The following LPIN2 variants were observed in gnomAD, a reference collection of about 807,000 sequenced individuals.
LPIN2 encodes the protein phosphatidate phosphatase LPIN2.
In LPIN2, 55 loss-of-function variants were observed where a neutral mutation model predicts 111.4. That is an observed-to-expected ratio of 0.49 (90% CI 0.40 to 0.62). The LOEUF (loss-of-function observed/expected upper bound fraction) is 0.62, where lower values mean the gene tolerates loss of function less well. LPIN2 is among the 20% of genes least tolerant of loss of function. The probability of loss-of-function intolerance (pLI) is 0.00; values close to 1 mark genes in which losing one functional copy is unlikely to be tolerated. For synonymous variants in LPIN2, 425 were observed against 414.0 expected, an observed-to-expected ratio of 1.03 and a Z score of -0.32; for missense variants, 992 against 1,112.1, an observed-to-expected ratio of 0.89 and a Z score of 1.54.
intron 4 of LPIN2, among the ~76,000 whole-genome samples, chr18:2,949,699 T>TA (rs2077505184): frequency 6.6e-6 from 1 of 152,354 alleles, no homozygotes; most frequent in South Asian, 2.1e-4. Flanking sequence ...TTCTAAGATT[T>TA]AAAATCTAGA....
rs376730432 is a variant in LPIN2 at position 2,940,744 on chromosome 18, C to G, written c.591-32G>C. The G allele has an allele frequency of 7.0e-6, 9 of 1,282,774 alleles. No homozygotes were observed. The African/African-American group carries it at 1.2e-4, about 17-fold the overall frequency. 79.5% of individuals were successfully genotyped at this position (1,282,774 alleles called of 1,614,324 possible). On this transcript the variant is annotated intron_variant, in intron 4 of 19. Transcript: ENST00000677752. ...AGGAGAAACCAAAGAAAGGCAGGAA[C>G]GATGACATTCTTGTCAGCTTTAAAA...
At chr18:2,946,148 T>C in intron 4 of LPIN2, 1 of 1,608,050 alleles carries the variant, frequency 6.2e-7, no homozygotes. Context: ...TTTAAGTTTA[T>C]CAAGTGCTTG....
intron 2 of LPIN2, among the ~76,000 whole-genome samples, chr18:2,955,361 A>C (rs1445139648): frequency 6.6e-6 from 1 of 152,136 alleles, no homozygotes; most frequent in Non-Finnish European, 1.5e-5. Flanking sequence ...GACACGTCAC[A>C]TAGTGAGAGC....
intron 1 of LPIN2, among the ~76,000 whole-genome samples, chr18:2,992,007 C>A (rs2078273053): frequency 2.1e-5 from 3 of 142,178 alleles, no homozygotes. Flanking sequence ...GACTCCATCT[C>A]AAAAAAAAAA....
chr18:2,982,679 G>A (rs199626235), intron 1 of LPIN2: 200 of 1,300,380 alleles, frequency 1.5e-4, no homozygotes, highest in Admixed American at 6.4e-4. Flanking sequence ...AAGATACCAG[G>A]AGGGGACTTG....
chr18:2,960,179 T>TGC lies in LPIN2; in HGVS notation c.192+469_192+470insGC, dbSNP rs1180458682. On this transcript the variant is annotated intron_variant, in intron 2 of 19. Coordinates refer to ENST00000677752, the MANE Select transcript of LPIN2 (RefSeq NM_001375808.2). ...AGCGAGACTCCGACTCAAAAATGTGTGTGTGTGTGTGTGTGTGTGTGTGTG... is the reference window on the plus strand; with the variant it reads ...AGCGAGACTCCGACTCAAAAATGTGTGCGTGTGTGTGTGTGTGTGTGTGTGTG... Among the ~76,000 whole-genome samples the TGC allele has an allele frequency of 7.5e-5, 8 of 105,972 alleles. 1 individual carries two copies. The South Asian group carries it at 2.2e-3, about 29-fold the overall frequency. The allele number at this position is 105,972 out of a possible 152,430, so 69.5% of individuals were successfully genotyped here. A position where few individuals can be genotyped will look rare whatever the true frequency, so the allele number is the denominator to read the frequency against.
chr18:2,939,353 CAT>C, intron 6 of LPIN2, 125 bp downstream of exon 6: 1 of 1,112,742 alleles, frequency 9.0e-7, no homozygotes, highest in South Asian at 1.3e-5. Context: ...ACTTTTATGA[CAT>C]GAGGGCACTA....
rs2077060108 is a variant in LPIN2 at position 2,921,920 on chromosome 18, C to T, written c.2327+127G>A. 3 of 1,312,974 alleles carry T rather than the reference C, an allele frequency of 2.3e-6. No homozygotes were observed. The African/African-American group carries it at 4.5e-5, about 20-fold the overall frequency. The allele number at this position is 1,312,974 out of a possible 1,614,324, so 81.3% of individuals were successfully genotyped here. On this transcript the variant is annotated intron_variant, in intron 17 of 19. Transcript: ENST00000677752. ...GTATGTGGTAGGACACCACCAGGGA[C>T]CAAAGAACTGGGAGAGGCGTGGCGG...
At chr18:2,944,703 G>C in intron 4 of LPIN2, among the ~76,000 whole-genome samples, 1 of 152,076 alleles carries the variant, frequency 6.6e-6, no homozygotes, top group Non-Finnish European at 1.5e-5. Context: ...AGGGAGGCAA[G>C]ATATATATAA....
intron 2 of LPIN2, among the ~76,000 whole-genome samples, chr18:2,954,962 A>C (rs932947624): frequency 2.6e-5 from 4 of 152,162 alleles, no homozygotes; most frequent in African/African-American, 9.7e-5. Flanking sequence ...GATACACACA[A>C]GTTTCAGGAA....
At chr18:2,986,042 C>G (rs1050040048) in intron 1 of LPIN2, among the ~76,000 whole-genome samples, 1 of 152,208 alleles carries the variant, frequency 6.6e-6, no homozygotes, top group Admixed American at 6.5e-5. Flanking sequence ...GACCATGGCT[C>G]ACCTGAAACA....
intron 4 of LPIN2, chr18:2,946,555 A>G (rs189865678): frequency 7.3e-7 from 1 of 1,368,866 alleles, no homozygotes; most frequent in Admixed American, 1.7e-5. Context: ...CCACTGTCAC[A>G]GGCAAGGCCC....
At chr18:3,003,355 G>T (rs2078462454) in intron 1 of LPIN2, among the ~76,000 whole-genome samples, 1 of 152,198 alleles carries the variant, frequency 6.6e-6, no homozygotes, top group South Asian at 2.1e-4. Flanking sequence ...TGCTCAAAAA[G>T]AATTCAGATA....
At chr18:2,981,394 T>G (rs2078108278) in intron 1 of LPIN2, among the ~76,000 whole-genome samples, 1 of 152,222 alleles carries the variant, frequency 6.6e-6, no homozygotes. Context: ...GACTTCAATG[T>G]TCTAACGGCA....
At position 2,925,624 on chromosome 18, in the gene LPIN2, A is replaced by G. The variant is rs570302627; in HGVS notation, c.1794-256T>C. Reference sequence around the variant, plus strand: ...TGCTATTTTCTGCTATGCCCAGTGAATGCTAGAAGGTCTACTGACTCTTGT... The same window carrying G: ...TGCTATTTTCTGCTATGCCCAGTGAGTGCTAGAAGGTCTACTGACTCTTGT... On this transcript the variant is annotated intron_variant, in intron 13 of 19. Coordinates refer to ENST00000677752, the MANE Select transcript of LPIN2 (RefSeq NM_001375808.2). The surrounding 1 kb of genome is among the most constrained non-coding windows in gnomAD (Gnocchi z 4.1). 6.6e-6 allele frequency among the ~76,000 whole-genome samples: 1 copy of G among 152,330 alleles called. No homozygotes were observed. The highest frequency in any genetic ancestry group is 1.9e-4 in the East Asian group (1 of 5,194).
At chr18:2,984,652 T>C (rs1380998591) in intron 1 of LPIN2, among the ~76,000 whole-genome samples, 1 of 151,902 alleles carries the variant, frequency 6.6e-6, no homozygotes, top group Non-Finnish European at 1.5e-5. Flanking sequence ...TTCAACTGGA[T>C]AGCAGGAGAA....
At chr18:3,006,141 C>A (rs1295398328) in intron 1 of LPIN2, among the ~76,000 whole-genome samples, 1 of 152,116 alleles carries the variant, frequency 6.6e-6, no homozygotes, top group African/African-American at 2.4e-5. Flanking sequence ...AAAAACTTAG[C>A]AAAATGCCTA....
At chr18:2,973,406 C>A (rs2077955533) in intron 1 of LPIN2, among the ~76,000 whole-genome samples, 2 of 152,204 alleles carry the variant, frequency 1.3e-5, no homozygotes, top group Non-Finnish European at 2.9e-5. Flanking sequence ...CCTAGTCTTG[C>A]CATCTCTGGA....
At chr18:2,939,416 G>A in intron 6 of LPIN2, 64 bp downstream of exon 6, 1 of 1,600,096 alleles carries the variant, frequency 6.2e-7, no homozygotes, top group East Asian at 2.3e-5. Flanking sequence ...TTACTTATGG[G>A]CAGAGGAATT....
Sources: allele counts gnomAD v4.1 joint callset (sites outside exome capture counted in the v4.1 genomes callset), GRCh38; gene constraint gnomAD v4.1.1; non-coding constraint Gnocchi (gnomAD v3.1); transcripts MANE v1.5; gene names NCBI Gene and HGNC (gene_info 2026-07-23, HGNC 2026-07-21).